RBFOX1: variants seen among roughly 807,000 people sequenced by gnomAD.
The protein encoded by RBFOX1 is RNA binding protein fox-1 homolog 1.
In RBFOX1, 8 loss-of-function variants were observed where a neutral mutation model predicts 57.7. That is an observed-to-expected ratio of 0.14 (90% CI 0.08 to 0.25). RBFOX1 has a LOEUF of 0.25. RBFOX1 is among the 10% of genes least tolerant of loss of function. The pLI, the probability that RBFOX1 is intolerant of heterozygous loss-of-function variation, is 1.00. For missense variants in RBFOX1, 611 were observed against 548.5 expected (o/e 1.11, Z -1.14); for synonymous variants, 326 against 222.4 (o/e 1.47, Z -4.15).
intron 1 of RBFOX1, among the ~76,000 whole-genome samples, chr16:5,418,004 C>T (rs936406217): frequency 1.3e-5 from 2 of 152,072 alleles, no homozygotes; most frequent in African/African-American, 4.8e-5. Context: ...TCACTTGAAC[C>T]GAGGAGGCAG....
At chr16:5,791,261 G>T (rs1412453637) in intron 3 of RBFOX1, among the ~76,000 whole-genome samples, 1 of 152,132 alleles carries the variant, frequency 6.6e-6, no homozygotes, top group Non-Finnish European at 1.5e-5. Context: ...ACTATCTTTT[G>T]TATTTTCTAT....
At chr16:6,244,081 GC>G (rs1388921104) in intron 1 of RBFOX1, among the ~76,000 whole-genome samples, 2 of 151,880 alleles carry the variant, frequency 1.3e-5, no homozygotes, top group Non-Finnish European at 2.9e-5. Flanking sequence ...CATATATCTT[GC>G]CATCTTTACT....
chr16:6,762,702 C>A (rs1243248953), intron 3 of RBFOX1, among the ~76,000 whole-genome samples: 2 of 152,002 alleles, frequency 1.3e-5, no homozygotes, highest in Non-Finnish European at 2.9e-5. Context: ...CAGTGATTTG[C>A]TAAAGAATAG....
intron 2 of RBFOX1, among the ~76,000 whole-genome samples, chr16:6,455,345 C>T (rs563968347): frequency 6.6e-6 from 1 of 152,188 alleles, no homozygotes; most frequent in East Asian, 1.9e-4. Context: ...AAAAATGAAA[C>T]AGGATCCCTT....
chr16:7,222,706 A>C (rs1220114622), intron 4 of RBFOX1, among the ~76,000 whole-genome samples: 2 of 152,214 alleles, frequency 1.3e-5, no homozygotes, highest in African/African-American at 4.8e-5. Context: ...AAATGATGTT[A>C]CAGGTGTAAG....
At chr16:6,216,603 C>G (rs2097337390) in intron 1 of RBFOX1, among the ~76,000 whole-genome samples, 1 of 152,174 alleles carries the variant, frequency 6.6e-6, no homozygotes, top group African/African-American at 2.4e-5. Flanking sequence ...CCAACAAACT[C>G]AAATGGTAAC....
At chr16:6,618,391 G>C (rs1478978038) in intron 2 of RBFOX1, among the ~76,000 whole-genome samples, 2 of 152,260 alleles carry the variant, frequency 1.3e-5, no homozygotes, top group African/African-American at 4.8e-5. Flanking sequence ...AAAAGGTAGG[G>C]ACTGTCATTA....
intron 2 of RBFOX1, among the ~76,000 whole-genome samples, chr16:6,400,818 C>A (rs1397959538): frequency 6.6e-6 from 1 of 152,080 alleles, no homozygotes; most frequent in East Asian, 1.9e-4. Flanking sequence ...TCACGTGAAC[C>A]CAGGAGGCAG....
intron 4 of RBFOX1, among the ~76,000 whole-genome samples, chr16:7,398,301 G>A (rs1298533305): frequency 6.6e-6 from 1 of 152,202 alleles, no homozygotes; most frequent in African/African-American, 2.4e-5. Flanking sequence ...CTTACAGGAT[G>A]CTTAAGTTTG....
In RBFOX1 at chr16:6,982,804, C is replaced by G. The variant is rs189837911; in HGVS notation, c.-15-69253C>G. Among the ~76,000 whole-genome samples the G allele has an allele frequency of 2.0e-5, 3 of 152,084 alleles. No homozygotes were observed. In the East Asian group the frequency reaches 5.8e-4, roughly 30 times the overall value. On this transcript the variant is annotated intron_variant, in intron 3 of 15. Transcript: ENST00000550418. ...GGTCAGGAGTTCAAGACCAGCCTGG[C>G]CAACATGGCGGAGCCCTGTCTCTAC...
intron 4 of RBFOX1, among the ~76,000 whole-genome samples, chr16:7,430,724 A>G (rs1031850353): frequency 2.0e-5 from 3 of 152,016 alleles, no homozygotes; most frequent in East Asian, 1.9e-4. Flanking sequence ...ATGGCATGGA[A>G]TAGTACATTG....
intron 2 of RBFOX1, among the ~76,000 whole-genome samples, chr16:6,387,937 G>A (rs943888956): frequency 4.0e-5 from 6 of 148,946 alleles, no homozygotes; most frequent in African/African-American, 1.5e-4. Context: ...GTGAGCATGC[G>A]CACCTATCAG....
intron 3 of RBFOX1, among the ~76,000 whole-genome samples, chr16:5,764,756 AAG>A: frequency 6.6e-6 from 1 of 152,212 alleles, no homozygotes; most frequent in East Asian, 1.9e-4. Flanking sequence ...AAGTAAGGTG[AAG>A]AAAATCTGCC....
chr16:5,992,573 T>C (rs1173732418), intron 4 of RBFOX1, among the ~76,000 whole-genome samples: 1 of 152,154 alleles, frequency 6.6e-6, no homozygotes, highest in African/African-American at 2.4e-5. Context: ...TATGTGTGTG[T>C]TGGGGAGTTT....
At chr16:6,061,420 T>C (rs950861933) in intron 1 of RBFOX1, among the ~76,000 whole-genome samples, 1 of 152,028 alleles carries the variant, frequency 6.6e-6, no homozygotes, top group Admixed American at 6.6e-5. Context: ...CTATATAATG[T>C]TTTGTTATAT....
chr16:5,473,748 T>G, intron 2 of RBFOX1, among the ~76,000 whole-genome samples: 3 of 121,838 alleles, frequency 2.5e-5, no homozygotes, highest in African/African-American at 6.6e-5. Flanking sequence ...GAAGGATGGG[T>G]AGAAGGATGG....
chr16:7,158,789 C>G (rs188084648), intron 4 of RBFOX1, among the ~76,000 whole-genome samples: 2 of 151,730 alleles, frequency 1.3e-5, no homozygotes, highest in South Asian at 4.2e-4. Context: ...TGTCTGCATG[C>G]ATATGCGTTT....
chr16:5,582,535 C>G (rs972983832), intron 2 of RBFOX1, among the ~76,000 whole-genome samples: 1 of 144,376 alleles, frequency 6.9e-6, no homozygotes, highest in Non-Finnish European at 1.5e-5. Context: ...CAGGCATTTT[C>G]AAAGCACGTC....
intron 3 of RBFOX1, among the ~76,000 whole-genome samples, chr16:6,895,444 G>GTATATACATATATA (rs1341028814): frequency 1.4e-5 from 1 of 73,474 alleles, no homozygotes; most frequent in Non-Finnish European, 2.5e-5. Flanking sequence ...GTGTGTGTGT[G>GTATATACATATATA]TGTGTATATA....
Sources: allele counts gnomAD v4.1 joint callset (sites outside exome capture counted in the v4.1 genomes callset), GRCh38; gene constraint gnomAD v4.1.1; transcripts MANE v1.5; gene names NCBI Gene and HGNC (gene_info 2026-07-23, HGNC 2026-07-21).